The following C8orf34 variants were observed in gnomAD, a reference collection of about 807,000 sequenced individuals.
C8orf34 encodes chromosome 8 open reading frame 34, also known as uncharacterized protein C8orf34.
A neutral mutation model predicts 68.3 loss-of-function variants in C8orf34; 65 were observed. The observed-to-expected ratio is 0.95, with a 90% CI of 0.78 to 1.17. The LOEUF is 1.17. C8orf34 is among the 50% of genes most tolerant of loss of function. C8orf34 has a pLI of 0.00. For missense variants in C8orf34, 664 were observed against 655.4 expected (o/e 1.01, Z -0.14); for synonymous variants, 244 against 241.2 (o/e 1.01, Z -0.11).
intron 1 of C8orf34, among the ~76,000 whole-genome samples, chr8:68,363,235 G>A (rs1331404473): frequency 1.2e-4 from 11 of 88,208 alleles, no homozygotes; most frequent in African/African-American, 4.6e-4. Context: ...CAAGAAATAT[G>A]GGACTATGTG....
intron 10 of C8orf34, among the ~76,000 whole-genome samples, chr8:68,760,454 C>A (rs1223982826): frequency 5.3e-5 from 8 of 152,062 alleles, no homozygotes; most frequent in Admixed American, 3.9e-4. Flanking sequence ...ATGTCCAAAT[C>A]CAATTTGGAG....
In C8orf34 at chr8:68,789,714, A is replaced by G. The variant is rs538615500; in HGVS notation, c.1549+2178A>G. Among the ~76,000 whole-genome samples the G allele has an allele frequency of 5.3e-5, 8 of 152,346 alleles. No homozygotes were observed. The South Asian group carries it at 1.4e-3, about 28-fold the overall frequency. ...GAAGAATTAGTAAATGAATGAGAAA[A>G]TGAATGGATTTATTTTTTTCCAACT... On this transcript the variant is annotated intron_variant, in intron 12 of 13. Coordinates refer to ENST00000518698, the MANE Select transcript of C8orf34 (RefSeq NM_052958.4).
At chr8:68,456,065 G>A (rs1487769918) in intron 3 of C8orf34, among the ~76,000 whole-genome samples, 1 of 146,054 alleles carries the variant, frequency 6.8e-6, no homozygotes, top group Admixed American at 6.9e-5. Context: ...CTAACACAGT[G>A]AAACACAGCC....
intron 1 of C8orf34, among the ~76,000 whole-genome samples, chr8:68,380,027 A>T (rs1379357212): frequency 1.3e-5 from 2 of 151,890 alleles, no homozygotes; most frequent in Non-Finnish European, 2.9e-5. Flanking sequence ...TTCTAATTTT[A>T]TTTTTTAATT....
chr8:68,368,746 A>T (rs567262954), intron 1 of C8orf34, among the ~76,000 whole-genome samples: 8 of 152,252 alleles, frequency 5.3e-5, no homozygotes, highest in African/African-American at 1.9e-4. Flanking sequence ...TATTCTGCTA[A>T]TGGGAAAGAT....
At chr8:68,806,903 G>A (rs761386897) in intron 12 of C8orf34, among the ~76,000 whole-genome samples, 1 of 152,104 alleles carries the variant, frequency 6.6e-6, no homozygotes, top group South Asian at 2.1e-4. Flanking sequence ...TTTCCATGAC[G>A]TGTCAGCTGC....
intron 7 of C8orf34, among the ~76,000 whole-genome samples, chr8:68,599,836 A>G (rs1817647026): frequency 6.6e-6 from 1 of 152,092 alleles, no homozygotes; most frequent in Non-Finnish European, 1.5e-5. Flanking sequence ...ATTTGAAAAG[A>G]TGAAAAGACA....
chr8:68,667,517 T>C (rs1819877191), intron 8 of C8orf34, among the ~76,000 whole-genome samples: 1 of 152,196 alleles, frequency 6.6e-6, no homozygotes, highest in African/African-American at 2.4e-5. Flanking sequence ...ATTCAATCAA[T>C]ATTTTTTGAA....
chr8:68,676,747 A>T (rs547907028), intron 8 of C8orf34, among the ~76,000 whole-genome samples: 2 of 152,300 alleles, frequency 1.3e-5, no homozygotes, highest in East Asian at 3.9e-4. Flanking sequence ...TGCTGCTGAT[A>T]AAGACATACC....
At chr8:68,527,170 C>T (rs1463747924) in intron 6 of C8orf34, among the ~76,000 whole-genome samples, 1 of 152,142 alleles carries the variant, frequency 6.6e-6, no homozygotes, top group Non-Finnish European at 1.5e-5. Flanking sequence ...TTCACATGTC[C>T]AGGATGCCCC....
chr8:68,558,930 A>G (rs1411936078), intron 7 of C8orf34, among the ~76,000 whole-genome samples: 1 of 151,498 alleles, frequency 6.6e-6, no homozygotes, highest in Non-Finnish European at 1.5e-5. Context: ...ACAAAGTAAG[A>G]CATGCAGGGG....
At chr8:68,785,052 A>G (rs1265120520) in intron 11 of C8orf34, among the ~76,000 whole-genome samples, 1 of 151,966 alleles carries the variant, frequency 6.6e-6, no homozygotes, top group Non-Finnish European at 1.5e-5. Flanking sequence ...ATATGTGTAT[A>G]TATGAATATG....
chr8:68,705,608 A>T (rs1356700398), intron 8 of C8orf34, among the ~76,000 whole-genome samples: 1 of 152,210 alleles, frequency 6.6e-6, no homozygotes, highest in African/African-American at 2.4e-5. Flanking sequence ...AGTAGGAGTG[A>T]ATAAAAACTG....
chr8:68,457,159 T>C (rs1046550832), intron 3 of C8orf34, among the ~76,000 whole-genome samples: 1 of 152,320 alleles, frequency 6.6e-6, no homozygotes, highest in Admixed American at 6.5e-5. Context: ...TTTTTTTAAA[T>C]GATGCATTTA....
chr8:68,635,684 C>A (rs1378604805), intron 7 of C8orf34, among the ~76,000 whole-genome samples: 1 of 152,120 alleles, frequency 6.6e-6, no homozygotes, highest in East Asian at 1.9e-4. Context: ...ATTATTTAGC[C>A]TCTGCTTTTA....
intron 7 of C8orf34, among the ~76,000 whole-genome samples, chr8:68,610,148 T>C (rs1817975687): frequency 6.6e-6 from 1 of 152,218 alleles, no homozygotes; most frequent in Non-Finnish European, 1.5e-5. Context: ...TGGAATTTTT[T>C]AATTTACAGA....
chr8:68,460,736 T>A (rs2129628871), intron 3 of C8orf34, among the ~76,000 whole-genome samples: 1 of 152,268 alleles, frequency 6.6e-6, no homozygotes, highest in South Asian at 2.1e-4. Flanking sequence ...GAGGGTCCTG[T>A]CTGTTAGAAG....
At chr8:68,533,537 A>G (rs1371587843) in intron 7 of C8orf34, 15 of 986,706 alleles carry the variant, frequency 1.5e-5, no homozygotes, top group Non-Finnish European at 7.2e-6. Context: ...TCACTCCAAA[A>G]TGTCTACCTT....
intron 9 of C8orf34, among the ~76,000 whole-genome samples, chr8:68,716,033 G>A (rs1229850796): frequency 2.0e-5 from 3 of 152,068 alleles, no homozygotes; most frequent in African/African-American, 7.2e-5. Context: ...GACAGAATTG[G>A]AGACTATTAT....
Sources: gnomAD v4.1 joint callset for allele counts (sites outside exome capture counted in the v4.1 genomes callset) on GRCh38, gnomAD v4.1.1 for gene constraint, MANE v1.5 for transcripts, NCBI Gene and HGNC (gene_info 2026-07-23, HGNC 2026-07-21) for gene names.